CADPS: variants seen among roughly 807,000 people sequenced by gnomAD.
CADPS encodes the protein calcium-dependent secretion activator 1.
CADPS carries 57 observed loss-of-function variants against 167.3 expected under a neutral mutation model. The ratio of observed to expected loss-of-function variants is 0.34; its 90% CI spans 0.28 to 0.42. The LOEUF is 0.42. CADPS is among the 20% of genes least tolerant of loss of function. The pLI is 1.00. For missense variants in CADPS, 1,414 were observed against 1,738.1 expected (o/e 0.81, Z 3.32); for synonymous variants, 676 against 635.3 (o/e 1.06, Z -0.96).
chr3:62,837,798 A>G (rs76750352), intron 1 of CADPS, among the ~76,000 whole-genome samples: 3,917 of 152,198 alleles, frequency 0.026, 183 homozygotes, highest in African/African-American at 0.09. Context: ...TAAAAGATTT[A>G]CCCATTCTGA....
Position 62,648,669 on chromosome 3 carries a change from G to C in CADPS, c.1203+2178C>G, listed in dbSNP as rs376173399. On this transcript the variant is annotated intron_variant, in intron 5 of 29. Coordinates refer to ENST00000383710, the MANE Select transcript of CADPS (RefSeq NM_003716.4). Reference sequence around the variant, plus strand: ...CCTGCACCACTGCACTCTAGCCTGGGCAACAGAGTGAGACGTTGTGTCAAA... The same window carrying C: ...CCTGCACCACTGCACTCTAGCCTGGCCAACAGAGTGAGACGTTGTGTCAAA... Among the ~76,000 whole-genome samples the C allele has an allele frequency of 2.7e-4, 18 of 67,236 alleles. No homozygotes were observed. In the East Asian group the frequency reaches 2.7e-3, roughly 10 times the overall value. 44.1% of individuals were successfully genotyped at this position (67,236 alleles called of 152,430 possible). A position where few individuals can be genotyped will look rare whatever the true frequency, so the allele number is the denominator to read the frequency against.
At chr3:62,739,307 CAA>C (rs774163330) in intron 3 of CADPS, among the ~76,000 whole-genome samples, 56 of 152,246 alleles carry the variant, frequency 3.7e-4, no homozygotes, top group Non-Finnish European at 5.1e-4. Flanking sequence ...AGCTTCCTAC[CAA>C]ACCCACAGCT....
At chr3:62,589,075 T>G (rs2085333958) in intron 7 of CADPS, among the ~76,000 whole-genome samples, 1 of 152,232 alleles carries the variant, frequency 6.6e-6, no homozygotes, top group African/African-American at 2.4e-5. Flanking sequence ...GCATGAATTT[T>G]TTTTTAATTA....
chr3:62,634,422 G>T (rs1042600251), intron 6 of CADPS, among the ~76,000 whole-genome samples: 2 of 152,088 alleles, frequency 1.3e-5, no homozygotes, highest in Non-Finnish European at 2.9e-5. Context: ...TCCACTAATA[G>T]AATTCAACAT....
At chr3:62,573,520 CT>C (rs1392795448) in intron 8 of CADPS, among the ~76,000 whole-genome samples, 2 of 152,190 alleles carry the variant, frequency 1.3e-5, no homozygotes, top group African/African-American at 4.8e-5. Context: ...GCCTAAAAAA[CT>C]TTTAATTTTC....
intron 3 of CADPS, among the ~76,000 whole-genome samples, chr3:62,733,509 C>A (rs1309544267): frequency 6.6e-6 from 1 of 152,162 alleles, no homozygotes; most frequent in East Asian, 1.9e-4. Context: ...GTACATTTTT[C>A]TCCTGAGGTC....
Position 62,620,000 on chromosome 3 carries a change from C to T in CADPS, c.1325+25722G>A, listed in dbSNP as rs145054994. On this transcript the variant is annotated intron_variant, in intron 6 of 29. Transcript: ENST00000383710. ...TTTGGCATGCTTGGTAGTAGAAAGA[C>T]TGCTCTGTGTGGTTGGAGCATTGCA... Among the ~76,000 whole-genome samples, 458 of 152,082 alleles carry T rather than the reference C, an allele frequency of 3.0e-3. 3 individuals are homozygous for T. The highest frequency in any genetic ancestry group is 0.011 in the African/African-American group (440 of 41,494).
chr3:62,484,043 G>C (rs989343736), intron 21 of CADPS, among the ~76,000 whole-genome samples: 1 of 151,954 alleles, frequency 6.6e-6, no homozygotes, highest in Non-Finnish European at 1.5e-5. Flanking sequence ...GCTTCATTTT[G>C]CACACAAAAA....
intron 4 of CADPS, among the ~76,000 whole-genome samples, chr3:62,653,038 C>T (rs2070634486): frequency 6.6e-6 from 1 of 152,150 alleles, no homozygotes; most frequent in Non-Finnish European, 1.5e-5. Flanking sequence ...CTCCCTATCT[C>T]CCTGCATAAC....
rs2050960807 is a variant in CADPS at position 62,420,009 on chromosome 3, T to C, written c.3778-16824A>G. Among the ~76,000 whole-genome samples, 1 of 152,034 alleles carries C rather than the reference T, an allele frequency of 6.6e-6. No individual in the cohort carries two copies. Among genetic ancestry groups the C allele is most frequent in the Non-Finnish European group, 1.5e-5 (1 of 67,996 alleles). ...GAAAATTCAAATTGACTTTAGGGAG[T>C]TGCTTTCCCGGGCTGAGGTGGTTTT... On this transcript the variant is annotated intron_variant, in intron 28 of 29. Coordinates refer to ENST00000383710, the MANE Select transcript of CADPS (RefSeq NM_003716.4). The surrounding 1 kb of genome is among the most constrained non-coding windows in gnomAD (Gnocchi z 4.1).
chr3:62,849,519 C>T (rs1340107572), intron 1 of CADPS, among the ~76,000 whole-genome samples: 1 of 117,164 alleles, frequency 8.5e-6, no homozygotes, highest in Non-Finnish European at 1.8e-5. Context: ...GCTTTTTCTG[C>T]ATCTATTGAG....
intron 3 of CADPS, among the ~76,000 whole-genome samples, chr3:62,678,825 C>T (rs2076700317): frequency 6.7e-6 from 1 of 149,266 alleles, no homozygotes; most frequent in South Asian, 2.1e-4. Flanking sequence ...ATTGGTGGAA[C>T]ATTCATACCC....
At chr3:62,743,087 G>A (rs1264441393) in intron 3 of CADPS, among the ~76,000 whole-genome samples, 3 of 152,014 alleles carry the variant, frequency 2.0e-5, no homozygotes, top group Non-Finnish European at 4.4e-5. Context: ...CATCTCACAC[G>A]AGTCATAACG....
chr3:62,468,429 T>G (rs1029811302), intron 24 of CADPS, among the ~76,000 whole-genome samples: 6 of 152,176 alleles, frequency 3.9e-5, no homozygotes, highest in Non-Finnish European at 5.9e-5. Flanking sequence ...AACACTCTCT[T>G]GAAAAACTGG....
chr3:62,716,302 T>A (rs1003138327), intron 3 of CADPS, among the ~76,000 whole-genome samples: 1 of 151,844 alleles, frequency 6.6e-6, no homozygotes, highest in Non-Finnish European at 1.5e-5. Context: ...GATCCGTCCA[T>A]CTCGGCCTCC....
rs553878000 is a variant in CADPS at position 62,740,783 on chromosome 3, C to T, written c.888+12658G>A. Among the ~76,000 whole-genome samples the T allele has an allele frequency of 1.3e-3, 192 of 152,258 alleles. 1 individual carries two copies. Among genetic ancestry groups the T allele is most frequent in the Middle Eastern group, 3.4e-3 (1 of 294 alleles). On this transcript the variant is annotated intron_variant, in intron 3 of 29. Transcript: ENST00000383710. ...CTGAGTTCCTATCATGTGATGGGCT[C>T]CTTACATACCTTATTTCTATCTGAT... is the stretch of plus-strand genomic sequence containing the variant.
At chr3:62,597,832 C>A (rs369120073) in intron 6 of CADPS, among the ~76,000 whole-genome samples, 1 of 152,132 alleles carries the variant, frequency 6.6e-6, no homozygotes, top group Non-Finnish European at 1.5e-5. Context: ...TAATGAATCC[C>A]AGTTTAACTA....
intron 11 of CADPS, among the ~76,000 whole-genome samples, chr3:62,546,127 A>ATTTT (rs75526981): frequency 9.7e-4 from 140 of 143,630 alleles, no homozygotes; most frequent in African/African-American, 3.3e-3. Context: ...GCAATACTTG[A>ATTTT]TTTTTTTTTT....
chr3:62,491,558 A>AAACACAC (rs2063724030), intron 20 of CADPS, 78 bp from the exon 21 acceptor site: 40 of 526,730 alleles, frequency 7.6e-5, no homozygotes, highest in African/African-American at 3.3e-4. Flanking sequence ...CACACACACA[A>AAACACAC]ACACACACAC....
Sources: allele counts gnomAD v4.1 joint callset (sites outside exome capture counted in the v4.1 genomes callset), GRCh38; gene constraint gnomAD v4.1.1; non-coding constraint Gnocchi (gnomAD v3.1); transcripts MANE v1.5; gene names NCBI Gene and HGNC (gene_info 2026-07-23, HGNC 2026-07-21).